Variants in PRSS55 observed in about 807,000 individuals in gnomAD.
PRSS55 encodes probable serine protease UNQ9391/PRO34284.
PRSS55 carries 41 observed loss-of-function variants against 23.6 expected under a neutral mutation model. The observed-to-expected ratio is 1.74, with a 90% CI of 1.35 to 2.26. PRSS55 has a LOEUF of 2.26. Ranked by LOEUF, PRSS55 falls within the 30% of genes most tolerant of loss-of-function variation. PRSS55 has a pLI of 0.00. For synonymous variants in PRSS55, 262 were observed against 175.5 expected (o/e 1.49, Z -3.90); for missense variants, 669 against 439.1 (o/e 1.52, Z -4.68).
intron 4 of PRSS55, chr8:10,545,070 C>G: frequency 1.1e-6 from 1 of 950,098 alleles, no homozygotes; most frequent in Non-Finnish European, 1.3e-6. Flanking sequence ...AGGAAAAAGA[C>G]CAGGGCTTTT....
intron 1 of PRSS55, among the ~76,000 whole-genome samples, chr8:10,526,682 T>G (rs1394560752): frequency 6.6e-6 from 1 of 152,196 alleles, no homozygotes; most frequent in African/African-American, 2.4e-5. Context: ...GGACCAAGAA[T>G]GTGGGGGATG....
At chr8:10,538,342 C>A in intron 4 of PRSS55, 134 bp from the exon 5 acceptor site, 1 of 685,142 alleles carries the variant, frequency 1.5e-6, no homozygotes. Flanking sequence ...ATGCTTCTCC[C>A]GTGGAGCAGG....
downstream of PRSS55, among the ~76,000 whole-genome samples, chr8:10,539,637 T>C (rs914620025): frequency 1.3e-5 from 2 of 152,204 alleles, no homozygotes; most frequent in African/African-American, 4.8e-5. Context: ...CATACTGTTC[T>C]CATGGTAGTG....
chr8:10,548,020 G>A (rs1812860911), intron 4 of PRSS55, among the ~76,000 whole-genome samples: 1 of 152,138 alleles, frequency 6.6e-6, no homozygotes, highest in Non-Finnish European at 1.5e-5. Flanking sequence ...GGGAAGGCCC[G>A]GATGAGAGCA....
chr8:10,540,513 A>C (rs1457092410), downstream of PRSS55: 1 of 152,176 alleles, frequency 6.6e-6, no homozygotes, highest in Non-Finnish European at 1.5e-5. Flanking sequence ...GGAGTTCAAG[A>C]CCAGTCTGGC....
chr8:10,536,413 G>A (rs1181145314), intron 4 of PRSS55, among the ~76,000 whole-genome samples: 3 of 152,162 alleles, frequency 2.0e-5, no homozygotes, highest in Non-Finnish European at 2.9e-5. Context: ...CACTTCTGGT[G>A]GGAATGTAAA....
intron 4 of PRSS55, among the ~76,000 whole-genome samples, chr8:10,547,977 C>CT (rs556834077): frequency 1.4e-3 from 212 of 152,036 alleles, no homozygotes; most frequent in African/African-American, 4.6e-3. Flanking sequence ...GGAGTGTGGG[C>CT]GGAGGAGGGA....
intron 4 of PRSS55, chr8:10,547,451 G>T (rs1240066519): frequency 1.3e-5 from 2 of 152,398 alleles, no homozygotes; most frequent in African/African-American, 4.8e-5. Context: ...TCCAGAGGTG[G>T]ACCCCACCGT....
chr8:10,536,222 G>T (rs912740195), intron 4 of PRSS55, among the ~76,000 whole-genome samples: 2 of 151,624 alleles, frequency 1.3e-5, no homozygotes, highest in African/African-American at 4.8e-5. Flanking sequence ...CTTCTCAAAA[G>T]AAGACATACA....
In PRSS55 at chr8:10,529,619, T is replaced by G; in HGVS notation, c.267T>G (p.Ser89Arg). The G allele has an allele frequency of 6.2e-7, 1 of 1,614,058 alleles. No individual in the cohort carries two copies. Among genetic ancestry groups the G allele is most frequent in the Non-Finnish European group, 8.5e-7 (1 of 1,179,994 alleles). ...GGCAGGTGAGTATTCAGGCAAGAAGTGAACCTTTCTGTGGCGGCTCCATCC... is the reference window on the plus strand; with the variant it reads ...GGCAGGTGAGTATTCAGGCAAGAAGGGAACCTTTCTGTGGCGGCTCCATCC... ...FPWQVSIQAR[S>R]EPFCGGSILN... Residue 89 changes from serine (S) to arginine (R), a missense_variant, in exon 2 of 5, where the codon AGT (serine) becomes AGG (arginine). By Grantham distance (110) the Ser-to-Arg change is moderately radical. Transcript: ENST00000328655.
intron 1 of PRSS55, 23 bp downstream of exon 1, chr8:10,525,762 C>G: frequency 2.5e-6 from 4 of 1,569,090 alleles, no homozygotes; most frequent in Non-Finnish European, 3.5e-6. Flanking sequence ...GCAGAAGGGG[C>G]ATGGATGGGG....
At chr8:10,530,262 G>A (rs985065813) in intron 2 of PRSS55, among the ~76,000 whole-genome samples, 10 of 152,214 alleles carry the variant, frequency 6.6e-5, no homozygotes, top group Non-Finnish European at 1.2e-4. Flanking sequence ...GAGTTCGGTG[G>A]TCAGGAGTTC....
intron 4 of PRSS55, among the ~76,000 whole-genome samples, chr8:10,549,462 G>C (rs1812903299): frequency 6.6e-6 from 1 of 152,208 alleles, no homozygotes; most frequent in African/African-American, 2.4e-5. Flanking sequence ...GTTGGGATGT[G>C]GGCTGGGTAC....
At chr8:10,549,856 G>C (rs1298313198) in intron 4 of PRSS55, among the ~76,000 whole-genome samples, 1 of 152,212 alleles carries the variant, frequency 6.6e-6, no homozygotes, top group East Asian at 1.9e-4. Flanking sequence ...TCCCGGCCTG[G>C]CTCTCAGTCT....
chr8:10,527,533 G>A (rs1812076064), intron 1 of PRSS55, among the ~76,000 whole-genome samples: 1 of 152,252 alleles, frequency 6.6e-6, no homozygotes, highest in Admixed American at 6.5e-5. Flanking sequence ...GGGAGGGGCT[G>A]TTATAGACAC....
intron 4 of PRSS55, among the ~76,000 whole-genome samples, chr8:10,549,140 G>A (rs1812895469): frequency 6.6e-6 from 1 of 152,210 alleles, no homozygotes. Context: ...GGAGATGGAT[G>A]TAAACGGATA....
downstream of PRSS55, among the ~76,000 whole-genome samples, chr8:10,542,419 G>GGGAAGAAA (rs60800512): frequency 2.1e-3 from 284 of 133,476 alleles, 13 homozygotes; most frequent in East Asian, 5.3e-3. Context: ...CCATGCGGGG[G>GGGAAGAAA]AAAAAAAAAA....
chr8:10,537,819 C>G (rs945404251), intron 4 of PRSS55, among the ~76,000 whole-genome samples: 5 of 152,186 alleles, frequency 3.3e-5, no homozygotes, highest in African/African-American at 9.6e-5. Flanking sequence ...CAAGCCCTTT[C>G]TCCTCCTGCA....
intron 2 of PRSS55, among the ~76,000 whole-genome samples, chr8:10,531,019 T>C (rs1563537131): frequency 6.6e-6 from 1 of 152,200 alleles, no homozygotes; most frequent in Non-Finnish European, 1.5e-5. Flanking sequence ...GCTCGGCCTT[T>C]GCTGTATTAG....
Sources: gnomAD v4.1 joint callset for allele counts (sites outside exome capture counted in the v4.1 genomes callset) on GRCh38, gnomAD v4.1.1 for gene constraint, MANE v1.5 for transcripts, NCBI Gene and HGNC (gene_info 2026-07-23, HGNC 2026-07-21) for gene names.